MTUS2: variants seen among roughly 807,000 people sequenced by gnomAD.
MTUS2 encodes the protein microtubule associated scaffold protein 2, also known as microtubule-associated tumor suppressor candidate 2.
MTUS2 carries 40 observed loss-of-function variants against 114.1 expected under a neutral mutation model. The observed-to-expected ratio is 0.35, with a 90% CI of 0.27 to 0.46. The LOEUF (loss-of-function observed/expected upper bound fraction) is 0.46, where lower values mean the gene tolerates loss of function less well. MTUS2 is among the 20% of genes least tolerant of loss of function. The pLI is 1.00. For synonymous variants in MTUS2, 688 were observed against 672.0 expected, an observed-to-expected ratio of 1.02 and a Z score of -0.37; for missense variants, 1,679 against 1,705.4, an observed-to-expected ratio of 0.98 and a Z score of 0.27.
At chr13:28,841,676 G>GTT (rs140099375) in intron 2 of MTUS2, among the ~76,000 whole-genome samples, 11 of 149,904 alleles carry the variant, frequency 7.3e-5, no homozygotes, top group South Asian at 2.1e-4. Flanking sequence ...GTGTGTGTGT[G>GTT]TTTTTTTTTG....
chr13:29,210,261 T>C (rs1054892488), intron 5 of MTUS2, among the ~76,000 whole-genome samples: 12 of 152,076 alleles, frequency 7.9e-5, no homozygotes, highest in Non-Finnish European at 1.8e-4. Flanking sequence ...AGTGTGTCCT[T>C]CATTTTCAGA....
chr13:28,994,675 GT>G (rs1010852848), intron 2 of MTUS2, among the ~76,000 whole-genome samples: 3 of 152,118 alleles, frequency 2.0e-5, no homozygotes, highest in East Asian at 1.9e-4. Flanking sequence ...TTTTTCATGT[GT>G]TTTTTGGCTG....
chr13:29,312,217 T>C (rs1176403636), intron 6 of MTUS2, among the ~76,000 whole-genome samples: 1 of 152,250 alleles, frequency 6.6e-6, no homozygotes, highest in Non-Finnish European at 1.5e-5. Context: ...CTTGCTACAA[T>C]ATCTTGTCAT....
intron 4 of MTUS2, among the ~76,000 whole-genome samples, chr13:29,081,773 T>C (rs967578291): frequency 3.5e-3 from 2 of 572 alleles, no homozygotes; most frequent in African/African-American, 9.2e-3. Context: ...TATTTTTGTT[T>C]TGTTTTGTTT....
At position 29,485,295 on chromosome 13, in the gene MTUS2, T is replaced by C. The variant is rs183403490; in HGVS notation, c.3400-2605T>C. 511 of 152,796 alleles carry C rather than the reference T, an allele frequency of 3.3e-3. 1 individual carries two copies. The highest frequency in any genetic ancestry group is 0.017 in the Middle Eastern group (5 of 294). The allele number at this position is 152,796 out of a possible 1,614,324, so 9.5% of individuals were successfully genotyped here. A position where few individuals can be genotyped will look rare whatever the true frequency, so the allele number is the denominator to read the frequency against. On this transcript the variant is annotated intron_variant, in intron 10 of 15. Coordinates refer to ENST00000612955, the MANE Select transcript of MTUS2 (RefSeq NM_001033602.4). ...GAATTCTTATTGGCTGCTTCATAAATGTGAACCTGTGCTGTAGAAAGAAGC... is the reference window on the plus strand; with the variant it reads ...GAATTCTTATTGGCTGCTTCATAAACGTGAACCTGTGCTGTAGAAAGAAGC...
intron 9 of MTUS2, among the ~76,000 whole-genome samples, chr13:29,460,348 A>G (rs1196485676): frequency 1.3e-5 from 2 of 152,166 alleles, no homozygotes; most frequent in Admixed American, 6.5e-5. Context: ...TGCCAATATT[A>G]GGACTGGATT....
At chr13:29,423,294 C>A (rs1163243534) in intron 8 of MTUS2, among the ~76,000 whole-genome samples, 3 of 152,216 alleles carry the variant, frequency 2.0e-5, no homozygotes, top group African/African-American at 7.2e-5. Context: ...AGAAATCTCG[C>A]TCCCTTCAAG....
intron 2 of MTUS2, among the ~76,000 whole-genome samples, chr13:28,890,607 G>A (rs1300328851): frequency 6.6e-6 from 1 of 152,108 alleles, no homozygotes; most frequent in East Asian, 1.9e-4. Flanking sequence ...AGTCTTCTTA[G>A]TTATATATTT....
intron 2 of MTUS2, among the ~76,000 whole-genome samples, chr13:28,891,533 G>A (rs1257393559): frequency 6.6e-6 from 1 of 151,988 alleles, no homozygotes; most frequent in Non-Finnish European, 1.5e-5. Flanking sequence ...AGTTCCTAAG[G>A]GAACAAAAAG....
rs77475276 is a variant in MTUS2 at position 28,965,714 on chromosome 13, G to C, written c.-242-58743G>C. On this transcript the variant is annotated intron_variant, in intron 2 of 15. Coordinates refer to ENST00000612955, the MANE Select transcript of MTUS2 (RefSeq NM_001033602.4). The stretch of plus-strand genomic sequence containing the variant: ...TCAAAACCTGCAGGGTAGGTGAGCA[G>C]GTCAGCGACCCAGGAAGGGCTGATA... 3.3e-3 allele frequency among the ~76,000 whole-genome samples: 508 copies of C among 152,280 alleles called. 2 individuals carry two copies. Among genetic ancestry groups the C allele is most frequent in the African/African-American group, 0.012 (495 of 41,548 alleles).
chr13:29,504,674 T>C lies in MTUS2; in HGVS notation c.*1468T>C. 4.3e-6 allele frequency: 1 copy of C among 233,246 alleles called. No individual in the cohort carries two copies. Among genetic ancestry groups the C allele is most frequent in the Non-Finnish European group, 8.5e-6 (1 of 118,018 alleles). 14.4% of individuals were successfully genotyped at this position (233,246 alleles called of 1,614,324 possible). A position where few individuals can be genotyped will look rare whatever the true frequency, so the allele number is the denominator to read the frequency against. On this transcript the variant is annotated 3_prime_UTR_variant, in exon 16 of 16. Transcript: ENST00000612955. Reference sequence around the variant, plus strand: ...GTGGTGTGGAAGATTAGGAGCATGATACACAAAAGGAAGAAGTAGTTTTAA... The same window carrying C: ...GTGGTGTGGAAGATTAGGAGCATGACACACAAAAGGAAGAAGTAGTTTTAA...
At chr13:29,289,812 G>T (rs1378248214) in intron 6 of MTUS2, among the ~76,000 whole-genome samples, 2 of 152,100 alleles carry the variant, frequency 1.3e-5, no homozygotes, top group Non-Finnish European at 2.9e-5. Context: ...AGGGTTAACT[G>T]GAATGTGAAG....
At chr13:29,063,472 G>A (rs1174596223) in intron 4 of MTUS2, among the ~76,000 whole-genome samples, 1 of 152,124 alleles carries the variant, frequency 6.6e-6, no homozygotes, top group Non-Finnish European at 1.5e-5. Flanking sequence ...AATAACCAGA[G>A]AAATTCAATC....
chr13:29,290,022 G>A (rs1268874524), intron 6 of MTUS2, among the ~76,000 whole-genome samples: 1 of 152,130 alleles, frequency 6.6e-6, no homozygotes, highest in African/African-American at 2.4e-5. Flanking sequence ...ATTCACTAGT[G>A]CAGAGGAAAA....
chr13:29,426,368 T>C (rs570552938), intron 8 of MTUS2, among the ~76,000 whole-genome samples: 1 of 152,364 alleles, frequency 6.6e-6, no homozygotes, highest in Non-Finnish European at 1.5e-5. Flanking sequence ...AGCCCCATTG[T>C]AAGTCAAGGA....
chr13:28,939,426 G>A (rs538245468), intron 2 of MTUS2, among the ~76,000 whole-genome samples: 1 of 152,230 alleles, frequency 6.6e-6, no homozygotes, highest in Admixed American at 6.5e-5. Context: ...TTTAATTTGT[G>A]TAGCATATGT....
intron 5 of MTUS2, among the ~76,000 whole-genome samples, chr13:29,275,812 A>G (rs990827963): frequency 2.6e-5 from 4 of 152,222 alleles, no homozygotes; most frequent in African/African-American, 7.2e-5. Flanking sequence ...GGCAGTTGTG[A>G]ATAGTGCTGC....
intron 8 of MTUS2, among the ~76,000 whole-genome samples, chr13:29,383,549 G>A (rs4451821): frequency 0.018 from 2,774 of 152,218 alleles, 33 homozygotes; most frequent in Non-Finnish European, 0.026. Flanking sequence ...AATGTCTTCT[G>A]ATTTGAGTAA....
At chr13:29,060,543 C>CTTTTTTTTTT (rs1162860492) in intron 4 of MTUS2, among the ~76,000 whole-genome samples, 2 of 101,204 alleles carry the variant, frequency 2.0e-5, no homozygotes, top group African/African-American at 3.7e-5. Context: ...CCTAGCCCTT[C>CTTTTTTTTTT]TTTTTTTTTT....
Sources: allele counts gnomAD v4.1 joint callset (sites outside exome capture counted in the v4.1 genomes callset), GRCh38; gene constraint gnomAD v4.1.1; transcripts MANE v1.5; gene names NCBI Gene and HGNC (gene_info 2026-07-23, HGNC 2026-07-21).